STRN3: variants seen among roughly 807,000 people sequenced by gnomAD.
STRN3 encodes striatin-3.
A neutral mutation model predicts 95.6 loss-of-function variants in STRN3; 29 were observed. The observed-to-expected ratio is 0.30, with a 90% CI of 0.23 to 0.41. The LOEUF (loss-of-function observed/expected upper bound fraction) is 0.41, where lower values mean the gene tolerates loss of function less well. Ranked by LOEUF, STRN3 falls within the 10% of genes least tolerant of loss-of-function variation. The pLI, the probability that STRN3 is intolerant of heterozygous loss-of-function variation, is 1.00. For missense variants in STRN3, 890 were observed against 972.1 expected (o/e 0.92, Z 1.12); for synonymous variants, 331 against 357.6 (o/e 0.93, Z 0.84).
intron 13 of STRN3, among the ~76,000 whole-genome samples, chr14:30,909,961 G>GCTA (rs1896565353): frequency 6.6e-6 from 1 of 152,120 alleles, no homozygotes; most frequent in Non-Finnish European, 1.5e-5. Context: ...TAAATGCTGT[G>GCTA]CTACCACCAC....
intron 5 of STRN3, among the ~76,000 whole-genome samples, chr14:30,938,515 G>A (rs1413610476): frequency 6.6e-6 from 1 of 152,086 alleles, no homozygotes; most frequent in African/African-American, 2.4e-5. Flanking sequence ...TGTCTCTAAA[G>A]TAAGAGTACC....
intron 9 of STRN3, among the ~76,000 whole-genome samples, chr14:30,915,459 T>C (rs1397479550): frequency 6.6e-6 from 1 of 152,180 alleles, no homozygotes; most frequent in African/African-American, 2.4e-5. Flanking sequence ...AGATATTAAG[T>C]AGTATTTAAT....
In STRN3 at chr14:30,955,706, T is replaced by C; in HGVS notation, c.387-13A>G. 4 of 1,572,488 alleles carry C rather than the reference T, an allele frequency of 2.5e-6. No homozygotes were observed. Among genetic ancestry groups the C allele is most frequent in the Admixed American group, 2.0e-5 (1 of 49,132 alleles). On this transcript the variant is annotated splice_polypyrimidine_tract_variant and intron_variant, in intron 2 of 17. Coordinates refer to ENST00000357479, the MANE Select transcript of STRN3 (RefSeq NM_001083893.2). ...GTGATATTTTGCCCTGAAAATTTAATCACAAATTAGTAAAATCACAACTTC... is the reference window on the plus strand; with the variant it reads ...GTGATATTTTGCCCTGAAAATTTAACCACAAATTAGTAAAATCACAACTTC...
At chr14:30,971,605 C>T (rs919937973) in intron 1 of STRN3, among the ~76,000 whole-genome samples, 8 of 152,128 alleles carry the variant, frequency 5.3e-5, no homozygotes, top group Admixed American at 3.9e-4. Context: ...ACGATATTAG[C>T]AGAAAGAGGA....
At chr14:30,901,761 T>C (rs1156996258) in intron 16 of STRN3, among the ~76,000 whole-genome samples, 2 of 152,188 alleles carry the variant, frequency 1.3e-5, no homozygotes, top group African/African-American at 4.8e-5. Context: ...AGTTAAAATC[T>C]GATTCGACTT....
At chr14:30,905,189 T>G (rs1391309254) in intron 15 of STRN3, among the ~76,000 whole-genome samples, 1 of 152,186 alleles carries the variant, frequency 6.6e-6, no homozygotes, top group Non-Finnish European at 1.5e-5. Flanking sequence ...TACTTTCACC[T>G]TCATATTGCT....
At chr14:31,010,842 C>G (rs1193115901) in intron 1 of STRN3, among the ~76,000 whole-genome samples, 1 of 152,130 alleles carries the variant, frequency 6.6e-6, no homozygotes, top group African/African-American at 2.4e-5. Context: ...AGTTCGAGAC[C>G]AGCCTAGCCG....
chr14:30,993,266 A>AC (rs1206020922), intron 1 of STRN3, among the ~76,000 whole-genome samples: 7 of 151,648 alleles, frequency 4.6e-5, no homozygotes, highest in African/African-American at 7.3e-5. Context: ...AAAAAAAAAA[A>AC]AAAACCCACA....
chr14:30,988,983 C>T (rs1756656056), intron 1 of STRN3, among the ~76,000 whole-genome samples: 1 of 152,170 alleles, frequency 6.6e-6, no homozygotes, highest in Non-Finnish European at 1.5e-5. Flanking sequence ...ACTGTCTTGG[C>T]TAGTAAGATA....
intron 1 of STRN3, among the ~76,000 whole-genome samples, chr14:30,975,859 A>AG (rs36085255): frequency 2.0e-5 from 3 of 149,242 alleles, no homozygotes; most frequent in Admixed American, 6.7e-5. Flanking sequence ...AAAAAAAAAA[A>AG]GTGGACTTGA....
At chr14:30,936,709 T>C (rs1409423433) in intron 5 of STRN3, 85 bp from the exon 6 acceptor site, 1 of 1,492,742 alleles carries the variant, frequency 6.7e-7, no homozygotes, top group African/African-American at 1.4e-5. Flanking sequence ...AAATCAATTC[T>C]TAAAACTAGA....
intron 1 of STRN3, among the ~76,000 whole-genome samples, chr14:31,017,865 C>G (rs1883316455): frequency 1.3e-5 from 2 of 151,970 alleles, no homozygotes; most frequent in Non-Finnish European, 2.9e-5. Flanking sequence ...CACTTGAGGT[C>G]AGGAGTTCAA....
chr14:30,919,381 A>ATATATC (rs1040639848), intron 8 of STRN3, among the ~76,000 whole-genome samples: 8 of 151,474 alleles, frequency 5.3e-5, no homozygotes, highest in African/African-American at 1.9e-4. Flanking sequence ...ATATATATAT[A>ATATATC]TCTCCACAGA....
rs1176450399 is a variant in STRN3, at chr14:30,902,784, A to G, written c.2030-141T>C. 1.2e-5 allele frequency: 7 copies of G among 604,324 alleles called. No individual in the cohort carries two copies. In the South Asian group the frequency reaches 1.5e-4, roughly 13 times the overall value. The allele number at this position is 604,324 out of a possible 1,614,324, so 37.4% of individuals were successfully genotyped here. On this transcript the variant is annotated intron_variant, in intron 15 of 17. Coordinates refer to ENST00000357479, the MANE Select transcript of STRN3 (RefSeq NM_001083893.2). ...AAAACAAAAAATCTGAGAACCAAAC[A>G]AGGACTCTAGAGAGATTTTTAAAAA...
rs1241917292 is a variant in STRN3 at position 31,026,005 on chromosome 14, G to C, written c.181C>G (p.Gln61Glu). 1 of 1,554,876 alleles carries C rather than the reference G, an allele frequency of 6.4e-7. No individual in the cohort carries two copies. The highest frequency in any genetic ancestry group is 8.7e-7 in the Non-Finnish European group (1 of 1,149,976). ...PAAGPELSRP[Q>E]QYTIPGILHY... ...AGTATCCCCGGGATAGTGTACTGCT[G>C]CGGCCGGGACAGCTCGGGGCCTGCC... The change falls in exon 1 of 18, where the codon CAG becomes GAG. Residue 61 changes from glutamine to glutamate, a missense_variant. Coordinates refer to ENST00000357479, the MANE Select transcript of STRN3 (RefSeq NM_001083893.2).
At chr14:30,984,525 A>G (rs1156460651) in intron 1 of STRN3, among the ~76,000 whole-genome samples, 1 of 152,174 alleles carries the variant, frequency 6.6e-6, no homozygotes, top group African/African-American at 2.4e-5. Flanking sequence ...AAGGATAGCA[A>G]CTATAGCACT....
intron 12 of STRN3, 57 bp from the exon 13 acceptor site, chr14:30,911,219 A>G: frequency 6.5e-7 from 1 of 1,544,298 alleles, no homozygotes. Flanking sequence ...AGAAACTCAA[A>G]TCTCCATTCC....
chr14:31,000,552 A>C (rs1882398398), intron 1 of STRN3, among the ~76,000 whole-genome samples: 1 of 151,826 alleles, frequency 6.6e-6, no homozygotes, highest in South Asian at 2.1e-4. Context: ...AATGGTACCC[A>C]GGAAAATATA....
At chr14:30,933,221 G>C (rs1344027351) in intron 7 of STRN3, among the ~76,000 whole-genome samples, 1 of 128,752 alleles carries the variant, frequency 7.8e-6, no homozygotes, top group Non-Finnish European at 1.6e-5. Context: ...GAAGGTCACA[G>C]ACAGCCAAGA....
Sources: gnomAD v4.1 joint callset for allele counts (sites outside exome capture counted in the v4.1 genomes callset) on GRCh38, gnomAD v4.1.1 for gene constraint, MANE v1.5 for transcripts, NCBI Gene and HGNC (gene_info 2026-07-23, HGNC 2026-07-21) for gene names.